The following TOPAZ1 variants were observed in gnomAD, a reference collection of about 807,000 sequenced individuals.
TOPAZ1 encodes the protein testis and ovary specific TOPAZ 1.
TOPAZ1 carries 66 observed loss-of-function variants against 172.2 expected under a neutral mutation model. The ratio of observed to expected loss-of-function variants is 0.38; its 90% confidence interval spans 0.31 to 0.47. TOPAZ1 has a LOEUF of 0.47. Ranked by LOEUF, TOPAZ1 falls within the 20% of genes least tolerant of loss-of-function variation. The probability of loss-of-function intolerance (pLI) is 0.99; values close to 1 mark genes in which losing one functional copy is unlikely to be tolerated. For synonymous variants in TOPAZ1, 681 were observed against 683.9 expected (o/e 1.00, Z 0.07); for missense variants, 1,822 against 1,972.4 (o/e 0.92, Z 1.44).
At chr3:44,267,905 T>C (rs1270023212) in intron 6 of TOPAZ1, among the ~76,000 whole-genome samples, 1 of 152,210 alleles carries the variant, frequency 6.6e-6, no homozygotes. Context: ...GATGGTCATG[T>C]GTTTTATCTT....
chr3:44,291,483 C>T (rs1166865009), intron 12 of TOPAZ1, among the ~76,000 whole-genome samples: 2 of 151,742 alleles, frequency 1.3e-5, no homozygotes, highest in Non-Finnish European at 2.9e-5. Context: ...TGCCTGTAAT[C>T]CCAGTTACTC....
chr3:44,287,902 T>TG (rs11294162), intron 11 of TOPAZ1, 63 bp downstream of exon 11: 20 of 736,040 alleles, frequency 2.7e-5, no homozygotes, highest in Admixed American at 1.9e-4. Context: ...ATTGTTTCCA[T>TG]GGGGGGGTAC....
At chr3:44,264,172 T>A (rs1358149476) in intron 5 of TOPAZ1, among the ~76,000 whole-genome samples, 1 of 152,162 alleles carries the variant, frequency 6.6e-6, no homozygotes, top group African/African-American at 2.4e-5. Flanking sequence ...ACCACCCCAT[T>A]CCTTCCTCTA....
intron 12 of TOPAZ1, among the ~76,000 whole-genome samples, chr3:44,295,144 A>G (rs566170090): frequency 8.5e-5 from 13 of 152,156 alleles, no homozygotes; most frequent in Non-Finnish European, 1.5e-4. Flanking sequence ...CTTTGTAGAT[A>G]TATATTTTTT....
Position 44,255,010 on chromosome 3 carries a change from C to A in TOPAZ1, c.2808C>A (p.Ile936=). The change falls in exon 3 of 20, where the codon ATC becomes ATA. Residue 936 remains isoleucine, a synonymous_variant. Transcript: ENST00000309765. ...VLDCGWIKPD[I]CASNSAESEI... The stretch of plus-strand genomic sequence containing the variant: ...ACTGTGGATGGATAAAGCCAGACAT[C>A]TGTGCTTCCAACTCAGCAGGTAAAA... 1 of 1,551,466 alleles carries A rather than the reference C, an allele frequency of 6.4e-7. No homozygotes were observed. The highest frequency in any genetic ancestry group is 8.7e-7 in the Non-Finnish European group (1 of 1,146,770).
Position 44,270,703 on chromosome 3 carries a change from G to A in TOPAZ1, c.3265G>A (p.Gly1089Arg). Residue 1089 changes from glycine to arginine, a missense_variant, in exon 8 of 20, where the codon GGG becomes AGG. Physicochemically the swap from Gly to Arg is moderately radical, Grantham distance 125 (BLOSUM62 -2). Around this residue, in one of 2 missense-constraint regions of TOPAZ1, gnomAD observed 1,489 missense variants for 1,490.8 expected, o/e 1.00. Coordinates refer to ENST00000309765, the MANE Select transcript of TOPAZ1 (RefSeq NM_001145030.2). ...TTTCTAGGTGTTCCAGAAGTCCCTA[G>A]GGTTGATGATACCCTATAAATATTG... ...KNVGVFQKSL[G>R]LMIPYKYCKF... The A allele has an allele frequency of 6.5e-7, 1 of 1,549,192 alleles. No individual in the cohort carries two copies. Among genetic ancestry groups the A allele is most frequent in the Non-Finnish European group, 8.7e-7 (1 of 1,145,806 alleles).
chr3:44,334,842 A>C (rs1700706220), downstream of TOPAZ1, among the ~76,000 whole-genome samples: 2 of 152,166 alleles, frequency 1.3e-5, no homozygotes, highest in Admixed American at 1.3e-4. Context: ...TTATTCAGCT[A>C]GGAGGTAATC....
chr3:44,248,980 A>G (rs1443718664), intron 2 of TOPAZ1, among the ~76,000 whole-genome samples: 1 of 152,204 alleles, frequency 6.6e-6, no homozygotes, highest in Non-Finnish European at 1.5e-5. Context: ...AAACATTAGA[A>G]GCATACTAGA....
At chr3:44,285,626 G>A (rs1700069989) in intron 9 of TOPAZ1, among the ~76,000 whole-genome samples, 1 of 151,850 alleles carries the variant, frequency 6.6e-6, no homozygotes, top group Non-Finnish European at 1.5e-5. Flanking sequence ...CTGGAGTGCA[G>A]TCGCACGATC....
At chr3:44,255,521 A>T (rs1699688064) in intron 3 of TOPAZ1, among the ~76,000 whole-genome samples, 1 of 151,694 alleles carries the variant, frequency 6.6e-6, no homozygotes, top group Non-Finnish European at 1.5e-5. Flanking sequence ...GCGTGGTGGC[A>T]GGCACCTGTA....
At chr3:44,245,373 T>C (rs1699551859) in intron 2 of TOPAZ1, 102 bp downstream of exon 2, 4 of 1,193,960 alleles carry the variant, frequency 3.4e-6, no homozygotes, top group Non-Finnish European at 4.5e-6. Context: ...AGCTCCATTA[T>C]TTTTTAACCC....
Position 44,332,079 on chromosome 3 carries a change from AAT to A in TOPAZ1, c.*70_*71del. 1 of 1,136,010 alleles carries A rather than the reference AAT, an allele frequency of 8.8e-7. No homozygotes were observed. The highest frequency in any genetic ancestry group is 1.2e-6 in the Non-Finnish European group (1 of 804,032). 70.4% of individuals were successfully genotyped at this position (1,136,010 alleles called of 1,614,324 possible). On this transcript the variant is annotated 3_prime_UTR_variant, in exon 20 of 20. Coordinates refer to ENST00000309765, the MANE Select transcript of TOPAZ1 (RefSeq NM_001145030.2). Reference sequence around the variant, plus strand: ...ATTGTTGAAAATAAAAGGCAATAAAAATAGACAGTTTTCACTATATTCAGCTC... The same window carrying A: ...ATTGTTGAAAATAAAAGGCAATAAAAAGACAGTTTTCACTATATTCAGCTC...
Position 44,245,308 on chromosome 3 carries a change from T to C in TOPAZ1, c.2765+37T>C, listed in dbSNP as rs1278111863. 3.4e-6 allele frequency: 5 copies of C among 1,475,352 alleles called. 1 individual carries two copies. The South Asian group carries it at 7.2e-5, about 21-fold the overall frequency. The allele number at this position is 1,475,352 out of a possible 1,614,324, so 91.4% of individuals were successfully genotyped here. ...CAAGTATTCCTTTTAGTGCAGATTG[T>C]TGGGGGTTAGAAAAGCAGTCTCTTA... On this transcript the variant is annotated intron_variant, in intron 2 of 19. Coordinates refer to ENST00000309765, the MANE Select transcript of TOPAZ1 (RefSeq NM_001145030.2).
intron 18 of TOPAZ1, among the ~76,000 whole-genome samples, chr3:44,327,816 C>T (rs894163149): frequency 6.6e-5 from 10 of 152,018 alleles, no homozygotes; most frequent in Non-Finnish European, 1.0e-4. Flanking sequence ...ACAATCTCGG[C>T]TCACTGCAGC....
chr3:44,332,241 AT>A (rs1480289183), downstream of TOPAZ1: 1 of 491,136 alleles, frequency 2.0e-6, no homozygotes, highest in African/African-American at 1.9e-5. Flanking sequence ...GAAACTAAGC[AT>A]GGTAAATCCC....
intron 12 of TOPAZ1, among the ~76,000 whole-genome samples, chr3:44,292,208 C>G (rs1199736049): frequency 6.6e-6 from 1 of 152,082 alleles, no homozygotes; most frequent in African/African-American, 2.4e-5. Flanking sequence ...AATTTAATTA[C>G]TGATAATTAA....
rs184172486 is a variant in TOPAZ1 at position 44,322,539 on chromosome 3, T to A, written c.4472-553T>A. ...AAGGAAGTTAATGGTTTTTCTTTTG[T>A]CAAATGCTTTTTCGTTTCTGACTTA... On this transcript the variant is annotated intron_variant, in intron 17 of 19. Coordinates refer to ENST00000309765, the MANE Select transcript of TOPAZ1 (RefSeq NM_001145030.2). Among the ~76,000 whole-genome samples, 512 of 152,318 alleles carry A rather than the reference T, an allele frequency of 3.4e-3. 1 individual carries two copies. Among genetic ancestry groups the A allele is most frequent in the Non-Finnish European group, 4.7e-3 (323 of 68,020 alleles).
Position 44,242,316 on chromosome 3 carries a change from C to A in TOPAZ1, c.263C>A (p.Pro88Gln), listed in dbSNP as rs7645375. Residue 88 changes from proline to glutamine, a missense_variant, in exon 1 of 20, where the codon CCG becomes CAG. This residue lies in a region of TOPAZ1 where 1,489 missense variants were observed against 1,490.8 expected (regional missense o/e 1.00). Coordinates refer to ENST00000309765, the MANE Select transcript of TOPAZ1 (RefSeq NM_001145030.2). ...ARRQVEGRRG[P>Q]VSPSDSSDPR... is the part of the protein sequence containing the mutation. ...CGTCAGGTGGAGGGGCGCAGGGGCC[C>A]GGTGAGCCCGTCAGACTCGTCAGAC... 1,259,835 of 1,551,944 alleles carry A rather than the reference C, an allele frequency of 0.81. 511,936 individuals carry two copies. Among genetic ancestry groups the A allele is most frequent in the Middle Eastern group, 0.91 (5,453 of 5,996 alleles).
At position 44,306,313 on chromosome 3, in the gene TOPAZ1, A is replaced by T; in HGVS notation, c.4040-13A>T. On this transcript the variant is annotated splice_polypyrimidine_tract_variant and intron_variant, in intron 14 of 19. Transcript: ENST00000309765. ...CTATTTTATTTTCTTTTGTATGCCTATTTGTGTTTCAGTTAGCAAAGATCC... is the reference window on the plus strand; with the variant it reads ...CTATTTTATTTTCTTTTGTATGCCTTTTTGTGTTTCAGTTAGCAAAGATCC... 1 of 1,508,210 alleles carries T rather than the reference A, an allele frequency of 6.6e-7. No individual in the cohort carries two copies. Among genetic ancestry groups the T allele is most frequent in the Non-Finnish European group, 9.0e-7 (1 of 1,109,494 alleles). The allele number at this position is 1,508,210 out of a possible 1,614,324, so 93.4% of individuals were successfully genotyped here.
Sources: gnomAD v4.1 joint callset for allele counts (sites outside exome capture counted in the v4.1 genomes callset) on GRCh38, gnomAD v4.1.1 for gene constraint, gnomAD v4.1.1 regional missense constraint, MANE v1.5 for transcripts, NCBI Gene and HGNC (gene_info 2026-07-23, HGNC 2026-07-21) for gene names.